MDGA1: variants seen among roughly 807,000 people sequenced by gnomAD.
The protein encoded by MDGA1 is MAM domain-containing glycosylphosphatidylinositol anchor protein 1.
A neutral mutation model predicts 101.5 loss-of-function variants in MDGA1; 54 were observed. That is an observed-to-expected ratio of 0.53 (90% CI 0.43 to 0.67). MDGA1 has a LOEUF of 0.67. Among genes scored for constraint, MDGA1 ranks in the 30% least tolerant of loss-of-function variants. MDGA1 has a pLI of 0.00. For missense variants in MDGA1, 1,083 were observed against 1,323.8 expected, an observed-to-expected ratio of 0.82 and a Z score of 2.82; for synonymous variants, 533 against 558.3, an observed-to-expected ratio of 0.95 and a Z score of 0.64.
intron 1 of MDGA1, among the ~76,000 whole-genome samples, chr6:37,694,086 C>G (rs1003310951): frequency 6.6e-6 from 1 of 152,164 alleles, no homozygotes; most frequent in African/African-American, 2.4e-5. Context: ...CAGCCCCTCC[C>G]TTATCCACAC....
chr6:37,671,790 T>C (rs1331379288), intron 1 of MDGA1, among the ~76,000 whole-genome samples: 2 of 152,130 alleles, frequency 1.3e-5, no homozygotes, highest in Non-Finnish European at 2.9e-5. Flanking sequence ...AGGGGTGCTA[T>C]AAAATGCATG....
intron 9 of MDGA1, chr6:37,648,778 C>T (rs922533735): frequency 9.9e-6 from 10 of 1,010,890 alleles, no homozygotes; most frequent in Non-Finnish European, 1.4e-5. Flanking sequence ...GGCTGGGAGG[C>T]CCAGGTTGGG....
At chr6:37,648,876 G>T in intron 9 of MDGA1, 106 bp downstream of exon 9, 1 of 1,436,392 alleles carries the variant, frequency 7.0e-7, no homozygotes, top group Non-Finnish European at 9.1e-7. Context: ...GGGCTTCAAG[G>T]GGGCCAGCAG....
intron 1 of MDGA1, among the ~76,000 whole-genome samples, chr6:37,687,463 C>G (rs533379751): frequency 1.3e-5 from 2 of 151,290 alleles, no homozygotes; most frequent in Non-Finnish European, 2.9e-5. Flanking sequence ...CAGCTACTCA[C>G]GAGGCTGAGG....
At position 37,636,061 on chromosome 6, in the gene MDGA1, G is replaced by T. The variant is rs761523383; in HGVS notation, c.*1307C>A. The T allele has an allele frequency of 4.1e-6, 1 of 244,316 alleles. No homozygotes were observed. The highest frequency in any genetic ancestry group is 5.6e-5 in the Admixed American group (1 of 17,780). The allele number at this position is 244,316 out of a possible 1,614,324, so 15.1% of individuals were successfully genotyped here. On this transcript the variant is annotated 3_prime_UTR_variant, in exon 17 of 17. Coordinates refer to ENST00000434837, the MANE Select transcript of MDGA1 (RefSeq NM_153487.4). ...CACAAACACATACACACATATGCAC[G>T]CATGCCTAAAGAGTCATTCTAGAAG...
At chr6:37,664,142 G>C (rs1228982646) in intron 1 of MDGA1, 36 bp from the exon 2 acceptor site, 1 of 1,612,962 alleles carries the variant, frequency 6.2e-7, no homozygotes, top group Admixed American at 1.7e-5. Flanking sequence ...GTTTAGAGAA[G>C]AGGTGCCAAG....
At chr6:37,662,643 A>AAAAAAAAAAAAGAAAAG (rs572346506) in intron 2 of MDGA1, among the ~76,000 whole-genome samples, 1 of 145,226 alleles carries the variant, frequency 6.9e-6, no homozygotes, top group Non-Finnish European at 1.5e-5. Context: ...TCAAAAAAAA[A>AAAAAAAAAAAAGAAAAG]AAAACAAGGA....
chr6:37,681,338 G>A (rs974909911), intron 1 of MDGA1, among the ~76,000 whole-genome samples: 1 of 152,048 alleles, frequency 6.6e-6, no homozygotes, highest in African/African-American at 2.4e-5. Context: ...CCCTCTTCAG[G>A]TCTCCTAGGA....
chr6:37,640,694 G>T (rs995181613), intron 14 of MDGA1, among the ~76,000 whole-genome samples: 2 of 152,118 alleles, frequency 1.3e-5, no homozygotes, highest in Non-Finnish European at 2.9e-5. Context: ...GAGCAGGGGG[G>T]ACATTGGAGC....
At position 37,697,057 on chromosome 6, in the gene MDGA1, G is replaced by C. The variant is rs1000346277; in HGVS notation, c.-246C>G. 7.5e-6 allele frequency: 3 copies of C among 397,398 alleles called. No individual in the cohort carries two copies. The highest frequency in any genetic ancestry group is 1.3e-5 in the Non-Finnish European group (3 of 226,370). The allele number at this position is 397,398 out of a possible 1,614,324, so 24.6% of individuals were successfully genotyped here. On this transcript the variant is annotated 5_prime_UTR_variant, in exon 1 of 17. Transcript: ENST00000434837. ...GGCCCAGCCCCGGGTGCCTCGGCGC[G>C]CCCGGCACAGCAGCCAGCGCCCCGA...
intron 1 of MDGA1, among the ~76,000 whole-genome samples, chr6:37,679,884 C>G (rs1174791357): frequency 2.0e-5 from 3 of 152,218 alleles, no homozygotes; most frequent in Admixed American, 6.5e-5. Context: ...AGCGGCCGAG[C>G]AGACCTCCAC....
intron 14 of MDGA1, among the ~76,000 whole-genome samples, chr6:37,642,908 T>G (rs1764124252): frequency 6.6e-6 from 1 of 152,242 alleles, no homozygotes; most frequent in Non-Finnish European, 1.5e-5. Context: ...CTGGAAGTGA[T>G]GGCTGACACT....
chr6:37,638,788 C>A lies in MDGA1; in HGVS notation c.2537-121G>T. On this transcript the variant is annotated intron_variant, in intron 14 of 16. Transcript: ENST00000434837. This position sits in a 1 kb window ranked among gnomAD's most constrained non-coding sequence, Gnocchi z 4.8. ...AGCCCTGTCCCTGTTGACAGGACCT[C>A]CTCCCCATGCCCAGCTGGGTGCAAT... 1.5e-6 allele frequency: 2 copies of A among 1,324,974 alleles called. No homozygotes were observed. Among genetic ancestry groups the A allele is most frequent in the Non-Finnish European group, 2.1e-6 (2 of 971,226 alleles). The allele number at this position is 1,324,974 out of a possible 1,614,324, so 82.1% of individuals were successfully genotyped here.
At chr6:37,681,041 G>A (rs1762086565) in intron 1 of MDGA1, among the ~76,000 whole-genome samples, 1 of 151,960 alleles carries the variant, frequency 6.6e-6, no homozygotes, top group Admixed American at 6.5e-5. Context: ...TGCCAACCCG[G>A]CTGGCATGGG....
intron 16 of MDGA1, 69 bp from the exon 17 acceptor site, chr6:37,637,528 G>A (rs541085773): frequency 7.2e-7 from 1 of 1,381,518 alleles, no homozygotes; most frequent in African/African-American, 1.4e-5. Flanking sequence ...GGAAGTGGCA[G>A]GCAGGTCGGC....
intron 2 of MDGA1, 114 bp downstream of exon 2, chr6:37,663,853 C>A: frequency 8.3e-7 from 1 of 1,201,424 alleles, no homozygotes; most frequent in Non-Finnish European, 1.2e-6. Flanking sequence ...CTGTTCTCTG[C>A]CTCCATGCTG....
intron 1 of MDGA1, among the ~76,000 whole-genome samples, chr6:37,678,304 C>T (rs1003413373): frequency 3.9e-5 from 6 of 152,152 alleles, no homozygotes; most frequent in African/African-American, 9.7e-5. Context: ...CAAGCTCTGT[C>T]GGCTTGACCT....
Position 37,649,095 on chromosome 6 carries a change from G to T in MDGA1, c.1781C>A (p.Ala594Glu), listed in dbSNP as rs985375332. ...GAGGCGCAGCTCCGCGTGATCCGGC[G>T]CCTCGGCGGCGGCGGGAACAACAGG... ...PPPVVPAAAEAPDHAELRLDA... is the reference protein window; with the variant it reads ...PPPVVPAAAEEPDHAELRLDA... The change falls in exon 9 of 17, where the codon GCG (alanine) becomes GAG (glutamate). Residue 594 changes from alanine (A) to glutamate (E), a missense_variant. Physicochemically the swap from Ala to Glu is moderately radical, Grantham distance 107. Around this residue, in one of 3 missense-constraint regions of MDGA1, gnomAD observed 657 missense variants for 771.4 expected, o/e 0.85. Coordinates refer to ENST00000434837, the MANE Select transcript of MDGA1 (RefSeq NM_153487.4). 1 of 1,524,184 alleles carries T rather than the reference G, an allele frequency of 6.6e-7. No homozygotes were observed. The highest frequency in any genetic ancestry group is 1.4e-5 in the African/African-American group (1 of 70,692). The allele number at this position is 1,524,184 out of a possible 1,614,324, so 94.4% of individuals were successfully genotyped here.
At chr6:37,656,061 G>A (rs1237635586) in intron 3 of MDGA1, among the ~76,000 whole-genome samples, 165 bp from the exon 4 acceptor site, 1 of 148,218 alleles carries the variant, frequency 6.7e-6, no homozygotes, top group African/African-American at 2.5e-5. Flanking sequence ...TTAGAGGCAG[G>A]GGATAGGACT....
Sources: allele counts gnomAD v4.1 joint callset (sites outside exome capture counted in the v4.1 genomes callset), GRCh38; gene constraint gnomAD v4.1.1; regional missense constraint gnomAD v4.1.1; non-coding constraint Gnocchi (gnomAD v3.1); transcripts MANE v1.5; gene names NCBI Gene and HGNC (gene_info 2026-07-23, HGNC 2026-07-21).